Variants in TTLL7 observed in about 807,000 individuals in gnomAD.
TTLL7 encodes the protein tubulin tyrosine ligase like 7.
A neutral mutation model predicts 120.2 loss-of-function variants in TTLL7; 53 were observed. The ratio of observed to expected loss-of-function variants is 0.44; its 90% confidence interval spans 0.35 to 0.55. The LOEUF is 0.55. TTLL7 is among the 20% of genes least tolerant of loss of function. The pLI is 0.00. For missense variants in TTLL7, 803 were observed against 1,054.7 expected (o/e 0.76, Z 3.31); for synonymous variants, 353 against 351.7 (o/e 1.00, Z -0.04).
chr1:83,873,386 G>T (rs1481197013), intron 20 of TTLL7, among the ~76,000 whole-genome samples: 1 of 152,096 alleles, frequency 6.6e-6, no homozygotes, highest in Non-Finnish European at 1.5e-5. Flanking sequence ...TTTTTGAAAT[G>T]TTCCTTGCAA....
chr1:83,879,620 C>T (rs75407977), intron 20 of TTLL7, among the ~76,000 whole-genome samples: 1 of 151,908 alleles, frequency 6.6e-6, no homozygotes, highest in Admixed American at 6.6e-5. Context: ...ACACCATGTC[C>T]CCTAATGTAA....
intron 5 of TTLL7, 125 bp from the exon 6 acceptor site, chr1:83,947,407 T>A: frequency 1.2e-6 from 1 of 854,898 alleles, no homozygotes; most frequent in Non-Finnish European, 1.8e-6. Context: ...ACTTATTCAT[T>A]GATTTCATTC....
chr1:83,893,330 T>C (rs546859599), intron 18 of TTLL7, among the ~76,000 whole-genome samples: 36 of 152,162 alleles, frequency 2.4e-4, no homozygotes, highest in African/African-American at 7.7e-4. Context: ...TCACATGTAC[T>C]TGATACTTAT....
chr1:83,892,928 G>GAGAAAGAAAGAAAGAAAGAAA (rs1553129439), intron 18 of TTLL7, among the ~76,000 whole-genome samples: 1,198 of 102,678 alleles, frequency 0.012, 39 homozygotes, highest in African/African-American at 0.064. Context: ...GAAAGAAAAA[G>GAGAAAGAAAGAAAGAAAGAAA]AGAAAGAAAG....
Position 83,865,512 on chromosome 1 carries a change from T to A in TTLL7, c.*4450A>T, listed in dbSNP as rs559677277. On this transcript the variant is annotated 3_prime_UTR_variant, in exon 21 of 21. Coordinates refer to ENST00000260505, the MANE Select transcript of TTLL7 (RefSeq NM_024686.6). ...GTAACTTGAGTAATTTTCCCTAATA[T>A]ACGATACATCCCTTTATGACGAGGT... is the stretch of plus-strand genomic sequence containing the variant. 2 of 152,148 alleles carry A rather than the reference T, an allele frequency of 1.3e-5. No homozygotes were observed. Among genetic ancestry groups the A allele is most frequent in the East Asian group, 1.9e-4 (1 of 5,188 alleles). 9.4% of individuals were successfully genotyped at this position (152,148 alleles called of 1,614,324 possible).
intron 1 of TTLL7, among the ~76,000 whole-genome samples, chr1:83,970,850 G>A (rs1000999122): frequency 3.9e-5 from 6 of 151,984 alleles, no homozygotes; most frequent in African/African-American, 1.4e-4. Flanking sequence ...GCTTCATGGT[G>A]GGTGGCAAGA....
At chr1:83,885,686 A>T (rs538115795) in intron 19 of TTLL7, among the ~76,000 whole-genome samples, 1 of 152,150 alleles carries the variant, frequency 6.6e-6, no homozygotes, top group South Asian at 2.1e-4. Context: ...GCCCTAGGGC[A>T]GTGGGTGCCC....
chr1:83,960,432 T>C (rs1228630831), intron 1 of TTLL7, among the ~76,000 whole-genome samples: 4 of 152,124 alleles, frequency 2.6e-5, no homozygotes, highest in Non-Finnish European at 5.9e-5. Flanking sequence ...ATTGCAGTAT[T>C]AGCAGAATAG....
intron 1 of TTLL7, among the ~76,000 whole-genome samples, chr1:83,970,705 C>T (rs774254451): frequency 2.0e-5 from 3 of 151,896 alleles, no homozygotes; most frequent in African/African-American, 7.3e-5. Context: ...AGTTTGAGGC[C>T]CCCAGAAATA....
chr1:83,957,562 A>G (rs1243188582), intron 1 of TTLL7, among the ~76,000 whole-genome samples: 1 of 152,160 alleles, frequency 6.6e-6, no homozygotes, highest in Non-Finnish European at 1.5e-5. Flanking sequence ...CCCATTTTAT[A>G]TATGGGAAAA....
At chr1:83,915,068 G>A (rs1658020759) in intron 14 of TTLL7, among the ~76,000 whole-genome samples, 1 of 152,128 alleles carries the variant, frequency 6.6e-6, no homozygotes, top group African/African-American at 2.4e-5. Flanking sequence ...GCCTAACTGG[G>A]GAAATGAGGG....
chr1:83,963,076 T>C lies in TTLL7; in HGVS notation c.-176-10689A>G, dbSNP rs561465514. ...CATAGCCTGCTTTTACCTATTTTCT[T>C]GTAACCATAATCTGAATTTCCTCCA... On this transcript the variant is annotated intron_variant, in intron 1 of 20. Transcript: ENST00000260505. Among the ~76,000 whole-genome samples the C allele has an allele frequency of 5.9e-5, 9 of 152,268 alleles. No homozygotes were observed. The East Asian group carries it at 1.5e-3, about 26-fold the overall frequency.
chr1:83,925,717 G>T (rs957644950), intron 10 of TTLL7, among the ~76,000 whole-genome samples: 1 of 152,148 alleles, frequency 6.6e-6, no homozygotes, highest in Admixed American at 6.6e-5. Context: ...CCATTGTATT[G>T]TACTTATCTA....
intron 18 of TTLL7, among the ~76,000 whole-genome samples, chr1:83,894,831 C>T (rs78232356): frequency 0.042 from 6,338 of 152,094 alleles, 156 homozygotes; most frequent in Middle Eastern, 0.099. Flanking sequence ...ACTGGGAACA[C>T]GCATTCCTCT....
chr1:83,866,334 A>G lies in TTLL7; in HGVS notation c.*3628T>C, dbSNP rs115227374. 4.6e-3 allele frequency: 692 copies of G among 152,028 alleles called. 10 individuals are homozygous for G. Among genetic ancestry groups the G allele is most frequent in the African/African-American group, 0.016 (661 of 41,578 alleles). 9.4% of individuals were successfully genotyped at this position (152,028 alleles called of 1,614,324 possible). On this transcript the variant is annotated 3_prime_UTR_variant, in exon 21 of 21. Transcript: ENST00000260505. ...ATTTTTTAACTATTAGTACTTTGACATGCTAAAGAAGAACGTATTTGGATT... is the reference window on the plus strand; with the variant it reads ...ATTTTTTAACTATTAGTACTTTGACGTGCTAAAGAAGAACGTATTTGGATT...
In TTLL7 at chr1:83,977,942, C is replaced by G. The variant is rs200174196; in HGVS notation, c.-177+20989G>C. Among the ~76,000 whole-genome samples the G allele has an allele frequency of 3.8e-4, 58 of 152,124 alleles. No homozygotes were observed. In the East Asian group the frequency reaches 0.011, roughly 28 times the overall value. ...ATTTCATCTAAATATTTAGTTTGTA[C>G]TTTGAGTATAATTATCTCCGGGTAG... On this transcript the variant is annotated intron_variant, in intron 1 of 20. Transcript: ENST00000260505.
chr1:83,956,029 G>C (rs1359134751), intron 1 of TTLL7, among the ~76,000 whole-genome samples: 1 of 152,074 alleles, frequency 6.6e-6, no homozygotes, highest in Non-Finnish European at 1.5e-5. Flanking sequence ...TGAGAGCTGA[G>C]AGAAAAGAGA....
intron 1 of TTLL7, among the ~76,000 whole-genome samples, chr1:83,972,639 T>C (rs1651095906): frequency 6.6e-6 from 1 of 152,088 alleles, no homozygotes; most frequent in Non-Finnish European, 1.5e-5. Flanking sequence ...TCACATGGTA[T>C]GAACTGCTAA....
chr1:83,935,739 T>C (rs114357980), intron 8 of TTLL7, among the ~76,000 whole-genome samples: 1,872 of 152,222 alleles, frequency 0.012, 36 homozygotes, highest in African/African-American at 0.043. Flanking sequence ...TTCAGGGAAT[T>C]TGTAAACTAA....
Sources: allele counts gnomAD v4.1 joint callset (sites outside exome capture counted in the v4.1 genomes callset), GRCh38; gene constraint gnomAD v4.1.1; transcripts MANE v1.5; gene names NCBI Gene and HGNC (gene_info 2026-07-23, HGNC 2026-07-21).